The following LARGE1 variants were observed in gnomAD, a reference collection of about 807,000 sequenced individuals.
The protein encoded by LARGE1 is xylosyl- and glucuronyltransferase LARGE1.
In LARGE1, 43 loss-of-function variants were observed where a neutral mutation model predicts 87.6. That is an observed-to-expected ratio of 0.49 (90% CI 0.38 to 0.63). The LOEUF is 0.63. LARGE1 is among the 30% of genes least tolerant of loss of function. The pLI, the probability that LARGE1 is intolerant of heterozygous loss-of-function variation, is 0.00. For synonymous variants in LARGE1, 434 were observed against 394.6 expected, an observed-to-expected ratio of 1.10 and a Z score of -1.18; for missense variants, 802 against 1,000.2, an observed-to-expected ratio of 0.80 and a Z score of 2.67.
chr22:33,560,732 G>A (rs1339104204), intron 6 of LARGE1, among the ~76,000 whole-genome samples: 7 of 152,120 alleles, frequency 4.6e-5, no homozygotes, highest in South Asian at 2.1e-4. Flanking sequence ...CTCCAAAGCC[G>A]TATGGATTGG....
intron 2 of LARGE1, among the ~76,000 whole-genome samples, chr22:33,680,573 G>C (rs894913724): frequency 6.6e-6 from 1 of 152,088 alleles, no homozygotes. Flanking sequence ...CAAACCTTTG[G>C]GAAGGTCGTG....
intron 1 of LARGE1, among the ~76,000 whole-genome samples, chr22:33,857,830 G>A (rs2146561525): frequency 6.6e-6 from 1 of 152,322 alleles, no homozygotes; most frequent in East Asian, 1.9e-4. Flanking sequence ...GGAAGACAGT[G>A]TGGCGATTCC....
intron 6 of LARGE1, among the ~76,000 whole-genome samples, chr22:33,482,719 AAC>A (rs1352484639): frequency 6.6e-5 from 10 of 152,238 alleles, no homozygotes; most frequent in African/African-American, 2.4e-4. Flanking sequence ...AATAAAAAAA[AAC>A]ACCAAACAAT....
At chr22:33,292,943 C>A (rs752839112) in intron 12 of LARGE1, among the ~76,000 whole-genome samples, 2 of 152,108 alleles carry the variant, frequency 1.3e-5, no homozygotes, top group Non-Finnish European at 2.9e-5. Flanking sequence ...ATAATATATT[C>A]ATCAATTAAT....
chr22:33,832,931 C>A (rs149281350), intron 1 of LARGE1, among the ~76,000 whole-genome samples: 21 of 152,312 alleles, frequency 1.4e-4, no homozygotes, highest in East Asian at 5.8e-4. Flanking sequence ...GCACTACGGG[C>A]CCATCTGGTC....
chr22:33,916,527 A>T (rs988137285), intron 1 of LARGE1, among the ~76,000 whole-genome samples: 4 of 152,190 alleles, frequency 2.6e-5, no homozygotes, highest in African/African-American at 4.8e-5. Flanking sequence ...GAAATGCTGA[A>T]CACCTCTCAA....
chr22:33,464,883 GCACACACATACACACA>G (rs1056787346), intron 6 of LARGE1, among the ~76,000 whole-genome samples: 3 of 127,064 alleles, frequency 2.4e-5, no homozygotes, highest in Admixed American at 7.2e-5. Context: ...GCACACACAT[GCACACACATACACACA>G]CACACACATA....
chr22:33,181,142 G>A (rs1272516585), intron 11 of LARGE1, among the ~76,000 whole-genome samples: 1 of 152,088 alleles, frequency 6.6e-6, no homozygotes, highest in Non-Finnish European at 1.5e-5. Flanking sequence ...CAGGAAAGAA[G>A]GGGAAGTTTT....
chr22:33,161,761 T>C (rs1014418576), downstream of LARGE1, among the ~76,000 whole-genome samples: 1 of 152,190 alleles, frequency 6.6e-6, no homozygotes, highest in East Asian at 1.9e-4. Flanking sequence ...ACAGCCCCCC[T>C]CCCAGCTGCT....
At chr22:33,393,228 AAAC>A (rs762326869) in intron 7 of LARGE1, among the ~76,000 whole-genome samples, 7 of 152,216 alleles carry the variant, frequency 4.6e-5, no homozygotes, top group South Asian at 2.1e-4. Context: ...AAGACTTGAG[AAAC>A]AACATTTCCA....
intron 6 of LARGE1, among the ~76,000 whole-genome samples, chr22:33,516,115 G>C (rs138242469): frequency 3.0e-3 from 458 of 152,350 alleles, no homozygotes; most frequent in African/African-American, 0.01. Flanking sequence ...GATGCTGTTT[G>C]AGAGAAGACT....
At chr22:33,335,013 T>C (rs1026358894) in intron 10 of LARGE1, among the ~76,000 whole-genome samples, 5 of 152,204 alleles carry the variant, frequency 3.3e-5, no homozygotes, top group African/African-American at 1.2e-4. Flanking sequence ...TCTCATTTCT[T>C]ATAACACTGA....
intron 2 of LARGE1, among the ~76,000 whole-genome samples, chr22:33,759,780 T>C (rs978486570): frequency 2.6e-5 from 4 of 152,188 alleles, no homozygotes; most frequent in African/African-American, 9.6e-5. Context: ...GGAGAATGTT[T>C]CCTTACATCA....
intron 11 of LARGE1, among the ~76,000 whole-genome samples, chr22:33,210,932 C>T (rs979884738): frequency 3.9e-5 from 6 of 152,306 alleles, no homozygotes; most frequent in Middle Eastern, 3.4e-3. Flanking sequence ...CTCGTTTTCC[C>T]GCACTTTGCT....
At chr22:33,856,941 C>A (rs1357706901) in intron 1 of LARGE1, 1 of 150,244 alleles carries the variant, frequency 6.7e-6, no homozygotes, top group African/African-American at 2.4e-5. Flanking sequence ...TTTTTTTTTT[C>A]TTTTTTTGAG....
At position 33,565,142 on chromosome 22, in the gene LARGE1, A is replaced by G. The variant is rs1270666771; in HGVS notation, c.616-123T>C. Reference sequence around the variant, plus strand: ...AAAGTATCCAATAAAAATTTGTTGAATAAATGAATGAGTTTTCTTTTAAAG... The same window carrying G: ...AAAGTATCCAATAAAAATTTGTTGAGTAAATGAATGAGTTTTCTTTTAAAG... On this transcript the variant is annotated intron_variant, in intron 5 of 14. Transcript: ENST00000397394. 3.4e-5 allele frequency: 30 copies of G among 871,670 alleles called. 1 individual carries two copies. The highest frequency in any genetic ancestry group is 5.4e-5 in the Non-Finnish European group (30 of 552,272). 54.0% of individuals were successfully genotyped at this position (871,670 alleles called of 1,614,324 possible). A position where few individuals can be genotyped will look rare whatever the true frequency, so the allele number is the denominator to read the frequency against.
chr22:33,872,796 G>A (rs564308770), intron 1 of LARGE1, among the ~76,000 whole-genome samples: 12 of 152,212 alleles, frequency 7.9e-5, no homozygotes, highest in Non-Finnish European at 1.3e-4. Flanking sequence ...TCAGGAGTTC[G>A]AGACCAGCCT....
chr22:33,229,333 A>G (rs1925887563), intron 11 of LARGE1, among the ~76,000 whole-genome samples: 1 of 152,166 alleles, frequency 6.6e-6, no homozygotes, highest in Non-Finnish European at 1.5e-5. Flanking sequence ...AATGAGGAAA[A>G]TTAGCATCTC....
intron 5 of LARGE1, among the ~76,000 whole-genome samples, chr22:33,590,034 ATAT>A (rs1485816386): frequency 2.6e-5 from 4 of 152,032 alleles, no homozygotes; most frequent in Admixed American, 2.6e-4. Context: ...ATAACTACTG[ATAT>A]TATGTTTTAA....
Sources: gnomAD v4.1 joint callset for allele counts (sites outside exome capture counted in the v4.1 genomes callset) on GRCh38, gnomAD v4.1.1 for gene constraint, MANE v1.5 for transcripts, NCBI Gene and HGNC (gene_info 2026-07-23, HGNC 2026-07-21) for gene names.